Variants in TMEM178A observed in about 807,000 individuals in gnomAD.
TMEM178A encodes transmembrane protein 178A, also known as transmembrane protein 178.
TMEM178A carries 12 observed loss-of-function variants against 29.1 expected under a neutral mutation model. The ratio of observed to expected loss-of-function variants is 0.41; its 90% CI spans 0.26 to 0.67. The LOEUF (loss-of-function observed/expected upper bound fraction) is 0.67. Ranked by LOEUF, TMEM178A falls within the 30% of genes least tolerant of loss-of-function variation. TMEM178A has a pLI of 0.29. For missense variants in TMEM178A, 366 were observed against 419.1 expected, an observed-to-expected ratio of 0.87 and a Z score of 1.11; for synonymous variants, 210 against 187.2, an observed-to-expected ratio of 1.12 and a Z score of -0.99.
chr2:39,694,164 A>G (rs1449714531), intron 1 of TMEM178A, among the ~76,000 whole-genome samples: 7 of 147,640 alleles, frequency 4.7e-5, no homozygotes, highest in Middle Eastern at 3.6e-3. Context: ...AGTAGTAGTA[A>G]TAATAATAAT....
intron 1 of TMEM178A, 94 bp downstream of exon 1, chr2:39,666,468 C>G (rs918827360): frequency 9.4e-7 from 1 of 1,063,366 alleles, no homozygotes; most frequent in Non-Finnish European, 1.2e-6. Context: ...AGCCCCCTCC[C>G]AGCCGCGGCC....
chr2:39,713,057 C>T (rs1482560824), intron 3 of TMEM178A, among the ~76,000 whole-genome samples: 1 of 152,162 alleles, frequency 6.6e-6, no homozygotes, highest in African/African-American at 2.4e-5. Context: ...CTGTTGGACT[C>T]CATGCAGAAC....
At chr2:39,692,362 T>G (rs926322481) in intron 1 of TMEM178A, among the ~76,000 whole-genome samples, 1 of 152,208 alleles carries the variant, frequency 6.6e-6, no homozygotes, top group Non-Finnish European at 1.5e-5. Flanking sequence ...TGTGGTGTGA[T>G]GGATATATTA....
chr2:39,733,483 G>A, the TMEM178A span, among the ~76,000 whole-genome samples: 8 of 152,256 alleles, frequency 5.3e-5, no homozygotes, highest in South Asian at 2.1e-4. Context: ...CATCTTGGCC[G>A]CAGGTTCTGC....
chr2:39,728,666 T>C, the TMEM178A span, among the ~76,000 whole-genome samples: 2 of 152,190 alleles, frequency 1.3e-5, no homozygotes, highest in African/African-American at 2.4e-5. Context: ...AGATCATTAG[T>C]ACTGCTACCT....
chr2:39,718,308 G>A (rs1224886561), downstream of TMEM178A, among the ~76,000 whole-genome samples: 2 of 151,770 alleles, frequency 1.3e-5, no homozygotes, highest in African/African-American at 4.8e-5. Flanking sequence ...TTTTGTTCTT[G>A]GACCTCCTAA....
rs1672593067 is a variant in TMEM178A at position 39,717,398 on chromosome 2, C to A, written c.*147C>A. The A allele has an allele frequency of 1.7e-6, 2 of 1,169,392 alleles. No individual in the cohort carries two copies. The highest frequency in any genetic ancestry group is 3.0e-5 in the Admixed American group (1 of 33,120). 72.4% of individuals were successfully genotyped at this position (1,169,392 alleles called of 1,614,324 possible). A position where few individuals can be genotyped will look rare whatever the true frequency, so the allele number is the denominator to read the frequency against. On this transcript the variant is annotated 3_prime_UTR_variant, in exon 4 of 4. Transcript: ENST00000281961. ...ATTACTGATAGAAAATCATGCAAAA[C>A]CTCCCAACCTTTCTAAGGACAAGAC...
intron 1 of TMEM178A, among the ~76,000 whole-genome samples, chr2:39,696,985 G>T (rs931257598): frequency 2.0e-5 from 3 of 152,032 alleles, no homozygotes; most frequent in Non-Finnish European, 4.4e-5. Flanking sequence ...TGCTTTTTGT[G>T]TTCCTTTTCA....
downstream of TMEM178A, among the ~76,000 whole-genome samples, chr2:39,718,387 C>G (rs1402633015): frequency 6.6e-6 from 1 of 152,190 alleles, no homozygotes; most frequent in Non-Finnish European, 1.5e-5. Context: ...TAAACAGGGC[C>G]TCACCCCAGA....
At position 39,704,850 on chromosome 2, in the gene TMEM178A, G is replaced by A. The variant is rs563828067; in HGVS notation, c.514+656G>A. Among the ~76,000 whole-genome samples, 170 of 152,320 alleles carry A rather than the reference G, an allele frequency of 1.1e-3. 2 individuals are homozygous for A. Among genetic ancestry groups the A allele is most frequent in the African/African-American group, 3.9e-3 (162 of 41,568 alleles). On this transcript the variant is annotated intron_variant, in intron 2 of 3. Coordinates refer to ENST00000281961, the MANE Select transcript of TMEM178A (RefSeq NM_152390.3). ...TTGGTCTTTGCCCCCATCAGAGGTT[G>A]ACATTGTCATTTTCCAATGAAATAA...
At chr2:39,713,481 A>T (rs1672400804) in intron 3 of TMEM178A, among the ~76,000 whole-genome samples, 1 of 152,180 alleles carries the variant, frequency 6.6e-6, no homozygotes, top group South Asian at 2.1e-4. Context: ...TCTTTAAGTT[A>T]AAATGAGGTG....
In TMEM178A at chr2:39,695,664, C is replaced by T. The variant is rs193015933; in HGVS notation, c.401-8417C>T. Among the ~76,000 whole-genome samples the T allele has an allele frequency of 6.6e-5, 10 of 151,780 alleles. No homozygotes were observed. In the South Asian group the frequency reaches 1.0e-3, roughly 16 times the overall value. ...GGAAGTAGCCCCTGGGAACCAGTCA[C>T]AGGTAAGTGTAAGTGAAGTTGGAGG... On this transcript the variant is annotated intron_variant, in intron 1 of 3. Transcript: ENST00000281961.
At chr2:39,720,386 G>A (rs961855985), downstream of TMEM178A, among the ~76,000 whole-genome samples, 6 of 152,142 alleles carry the variant, frequency 3.9e-5, no homozygotes, top group African/African-American at 7.2e-5. Flanking sequence ...ATGGAGGCTG[G>A]TGCAGGTGGG....
the TMEM178A span, among the ~76,000 whole-genome samples, chr2:39,728,042 T>C: frequency 6.6e-6 from 1 of 152,204 alleles, no homozygotes; most frequent in African/African-American, 2.4e-5. Context: ...TGTGTCTTTA[T>C]AGTAGCATGA....
At chr2:39,724,761 C>A in the TMEM178A span, among the ~76,000 whole-genome samples, 43 of 152,266 alleles carry the variant, frequency 2.8e-4, no homozygotes, top group African/African-American at 9.9e-4. Context: ...AGACTCAGAG[C>A]ATTAACCCAA....
At chr2:39,668,122 C>G (rs1468297743) in intron 1 of TMEM178A, among the ~76,000 whole-genome samples, 2 of 152,226 alleles carry the variant, frequency 1.3e-5, no homozygotes, top group African/African-American at 4.8e-5. Flanking sequence ...TGCACAATGC[C>G]TCTGCAAATG....
chr2:39,684,140 A>C (rs1670977045), intron 1 of TMEM178A, among the ~76,000 whole-genome samples: 1 of 151,738 alleles, frequency 6.6e-6, no homozygotes, highest in African/African-American at 2.4e-5. Flanking sequence ...CCATGTTTTT[A>C]TTTTCTCCTC....
At chr2:39,672,609 T>A (rs1670451858) in intron 1 of TMEM178A, among the ~76,000 whole-genome samples, 1 of 152,086 alleles carries the variant, frequency 6.6e-6, no homozygotes, top group South Asian at 2.1e-4. Flanking sequence ...CACTGCAGCT[T>A]TGAATTGGGC....
downstream of TMEM178A, among the ~76,000 whole-genome samples, chr2:39,718,210 T>C (rs1242395998): frequency 1.3e-5 from 2 of 152,184 alleles, no homozygotes; most frequent in Non-Finnish European, 2.9e-5. Context: ...CTTCTCTTTT[T>C]CTCTCATTTT....
Sources: gnomAD v4.1 joint callset for allele counts (sites outside exome capture counted in the v4.1 genomes callset) on GRCh38, gnomAD v4.1.1 for gene constraint, MANE v1.5 for transcripts, NCBI Gene and HGNC (gene_info 2026-07-23, HGNC 2026-07-21) for gene names.